The following KCNMB3 variants were observed in gnomAD, a reference collection of about 807,000 sequenced individuals.
The protein encoded by KCNMB3 is calcium-activated potassium channel subunit beta-3.
A neutral mutation model predicts 11.9 loss-of-function variants in KCNMB3; 18 were observed. The ratio of observed to expected loss-of-function variants is 1.51; its 90% CI spans 1.04 to 2.23. The LOEUF (loss-of-function observed/expected upper bound fraction) is 2.23. Among genes scored for constraint, KCNMB3 ranks in the 30% most tolerant of loss-of-function variants. The pLI, the probability that KCNMB3 is intolerant of heterozygous loss-of-function variation, is 0.00. For synonymous variants in KCNMB3, 78 were observed against 119.2 expected (o/e 0.65, Z 2.25); for missense variants, 247 against 329.4 (o/e 0.75, Z 1.94).
upstream of KCNMB3, among the ~76,000 whole-genome samples, chr3:179,252,922 G>A (rs773317898): frequency 2.0e-5 from 3 of 152,018 alleles, no homozygotes; most frequent in East Asian, 1.9e-4. Flanking sequence ...AGTAGAGACG[G>A]GGTTTCACTG....
chr3:179,262,336 C>A (rs1726240980), intron 1 of KCNMB3, among the ~76,000 whole-genome samples: 1 of 152,184 alleles, frequency 6.6e-6, no homozygotes, highest in African/African-American at 2.4e-5. Flanking sequence ...AAGAATGAAG[C>A]CGCGGACCTT....
At chr3:179,262,583 G>A (rs1726254884) in intron 1 of KCNMB3, among the ~76,000 whole-genome samples, 1 of 152,218 alleles carries the variant, frequency 6.6e-6, no homozygotes, top group Non-Finnish European at 1.5e-5. Flanking sequence ...CTGCTGGCTG[G>A]GGCAGCCTAC....
At chr3:179,247,999 C>G (rs575103787) in intron 1 of KCNMB3, among the ~76,000 whole-genome samples, 1 of 152,148 alleles carries the variant, frequency 6.6e-6, no homozygotes, top group Admixed American at 6.5e-5. Flanking sequence ...CCTTGCCTTC[C>G]TTTTACCCTG....
At chr3:179,252,255 C>A (rs922296922), upstream of KCNMB3, among the ~76,000 whole-genome samples, 1 of 152,092 alleles carries the variant, frequency 6.6e-6, no homozygotes, top group Non-Finnish European at 1.5e-5. Context: ...TGCTCAGTAG[C>A]CATTTGAGTT....
chr3:179,260,161 C>G (rs1726156611), intron 1 of KCNMB3: 1 of 1,611,292 alleles, frequency 6.2e-7, no homozygotes, highest in African/African-American at 1.3e-5. Flanking sequence ...ACCTGAGTCA[C>G]CGCTGCCTCT....
intron 1 of KCNMB3, among the ~76,000 whole-genome samples, chr3:179,266,067 G>C (rs1309061096): frequency 6.6e-6 from 1 of 152,232 alleles, no homozygotes; most frequent in Non-Finnish European, 1.5e-5. Flanking sequence ...GTGGTATACT[G>C]TGCTGAGACA....
intron 1 of KCNMB3, chr3:179,258,989 C>T (rs11720871): frequency 0.51 from 829,433 of 1,613,546 alleles, 221,160 homozygotes; most frequent in East Asian, 0.87. Flanking sequence ...CTCAGACTTC[C>T]TGTGCACCAC....
downstream of KCNMB3, chr3:179,242,669 C>A: frequency 3.2e-6 from 2 of 624,306 alleles, no homozygotes; most frequent in African/African-American, 1.9e-5. Context: ...GGAAAAAAAA[C>A]AGTGCTTCCT....
chr3:179,243,539 A>ACTT (rs1725533193), intron 2 of KCNMB3, among the ~76,000 whole-genome samples: 1 of 151,668 alleles, frequency 6.6e-6, no homozygotes, highest in African/African-American at 2.4e-5. Context: ...TCAGTGACCA[A>ACTT]CTTCATAAGG....
chr3:179,246,623 G>A (rs1030682341), intron 1 of KCNMB3, among the ~76,000 whole-genome samples: 2 of 152,104 alleles, frequency 1.3e-5, no homozygotes, highest in African/African-American at 4.8e-5. Context: ...AAATACAAAA[G>A]CGGAAAATAA....
chr3:179,250,026 C>T (rs527735501), intron 1 of KCNMB3, among the ~76,000 whole-genome samples: 159 of 151,740 alleles, frequency 1.0e-3, no homozygotes, highest in African/African-American at 3.3e-3. Flanking sequence ...ACATGTACCC[C>T]GGAACTTAAA....
chr3:179,261,320 C>A (rs1726200932), intron 1 of KCNMB3: 3 of 1,212,402 alleles, frequency 2.5e-6, no homozygotes, highest in Non-Finnish European at 2.1e-6. Context: ...GCTCGGGGAC[C>A]GTGCCGGAGC....
At chr3:179,266,257 T>G (rs2108461721) in intron 1 of KCNMB3, among the ~76,000 whole-genome samples, 1 of 152,114 alleles carries the variant, frequency 6.6e-6, no homozygotes, top group East Asian at 1.9e-4. Flanking sequence ...AGTGGTGAGC[T>G]GGGTTTGAAT....
chr3:179,260,860 G>C, intron 1 of KCNMB3: 1 of 1,175,154 alleles, frequency 8.5e-7, no homozygotes, highest in Non-Finnish European at 1.3e-6. Context: ...TATCTTTCAG[G>C]GTGTCAACTT....
rs60270913 is a variant in KCNMB3, at chr3:179,263,800, C to CTTTTTTTT, written c.62+2841_62+2848dup. ...TCTGTTTTGTTTTTCTTTTTCTTTT[C>CTTTTTTTT]TTTTTTTTTTTTTTTTTTTTTTTGA... On this transcript the variant is annotated intron_variant, in intron 1 of 3. Coordinates refer to the KCNMB3 transcript ENST00000349697. Among the ~76,000 whole-genome samples, 256 of 59,980 alleles carry CTTTTTTTT rather than the reference C, an allele frequency of 4.3e-3. 7 individuals are homozygous for CTTTTTTTT. The highest frequency in any genetic ancestry group is 0.014 in the African/African-American group (202 of 14,324). 39.3% of individuals were successfully genotyped at this position (59,980 alleles called of 152,430 possible). A position where few individuals can be genotyped will look rare whatever the true frequency, so the allele number is the denominator to read the frequency against.
Position 179,246,266 on chromosome 3 carries a change from G to C in KCNMB3, c.249-1573C>G, listed in dbSNP as rs559964363. Among the ~76,000 whole-genome samples, 12 of 152,228 alleles carry C rather than the reference G, an allele frequency of 7.9e-5. No homozygotes were observed. In the South Asian group the frequency reaches 2.5e-3, roughly 32 times the overall value. On this transcript the variant is annotated intron_variant, in intron 1 of 2. Coordinates refer to ENST00000392685, the MANE Select transcript of KCNMB3 (RefSeq NM_171830.2). Reference sequence around the variant, plus strand: ...GTCTTCACTGAAAATACAAAAATTAGCTGGGCATGGTGGCCGGCACCTGTA... The same window carrying C: ...GTCTTCACTGAAAATACAAAAATTACCTGGGCATGGTGGCCGGCACCTGTA...
At chr3:179,255,246 C>CA (rs906335581), upstream of KCNMB3, among the ~76,000 whole-genome samples, 89 of 147,984 alleles carry the variant, frequency 6.0e-4, no homozygotes, top group Admixed American at 1.4e-3. Context: ...CGTTTGAGTG[C>CA]AAAAAAAATA....
At chr3:179,251,939 C>G (rs763209015), upstream of KCNMB3, among the ~76,000 whole-genome samples, 1 of 152,160 alleles carries the variant, frequency 6.6e-6, no homozygotes, top group Non-Finnish European at 1.5e-5. Flanking sequence ...CCATAATGGT[C>G]TCGAACGCCT....
intron 1 of KCNMB3, among the ~76,000 whole-genome samples, chr3:179,262,890 T>C (rs563448121): frequency 6.6e-6 from 1 of 152,338 alleles, no homozygotes; most frequent in South Asian, 2.1e-4. Context: ...TTTATAAACC[T>C]TGAGCTAGAT....
Sources: gnomAD v4.1 joint callset for allele counts (sites outside exome capture counted in the v4.1 genomes callset) on GRCh38, gnomAD v4.1.1 for gene constraint, MANE v1.5 for transcripts, NCBI Gene and HGNC (gene_info 2026-07-23, HGNC 2026-07-21) for gene names.